Variants in RYR2 observed in about 807,000 individuals in gnomAD.
RYR2 encodes the protein cardiac muscle ryanodine receptor-calcium release channel.
RYR2 carries 227 observed loss-of-function variants against 601.1 expected under a neutral mutation model. That is an observed-to-expected ratio of 0.38 (90% CI 0.34 to 0.42). RYR2 has a LOEUF of 0.42. RYR2 is among the 10% of genes least tolerant of loss of function. The probability of loss-of-function intolerance (pLI) is 1.00; values close to 1 mark genes in which losing one functional copy is unlikely to be tolerated. For synonymous variants in RYR2, 2,223 were observed against 2,175.1 expected, an observed-to-expected ratio of 1.02 and a Z score of -0.61; for missense variants, 4,646 against 6,156.5, an observed-to-expected ratio of 0.75 and a Z score of 8.21.
At chr1:237,760,003 A>G (rs1001927030) in intron 83 of RYR2, among the ~76,000 whole-genome samples, 151 bp downstream of exon 83, 15 of 152,084 alleles carry the variant, frequency 9.9e-5, no homozygotes, top group Admixed American at 2.0e-4. Flanking sequence ...CTTGTTTTCT[A>G]TCTTGTTTTA....
intron 10 of RYR2, among the ~76,000 whole-genome samples, chr1:237,414,833 C>T (rs1704797482): frequency 6.6e-6 from 1 of 152,084 alleles, no homozygotes. Flanking sequence ...ATGGTTGAGC[C>T]TAGAGGACGT....
At chr1:237,412,941 T>C (rs1009204379) in intron 10 of RYR2, among the ~76,000 whole-genome samples, 2 of 152,286 alleles carry the variant, frequency 1.3e-5, no homozygotes, top group African/African-American at 4.8e-5. Context: ...ATTTGATACT[T>C]GAAATGCATT....
At chr1:237,607,465 A>G (rs1434835751) in intron 35 of RYR2, among the ~76,000 whole-genome samples, 2 of 152,168 alleles carry the variant, frequency 1.3e-5, no homozygotes, top group Non-Finnish European at 2.9e-5. Flanking sequence ...TAGGAGATAT[A>G]CCTAATGTAA....
At position 237,275,092 on chromosome 1, in the gene RYR2, GCA is replaced by G. The variant is rs111310759; in HGVS notation, c.168+4495_168+4496del. ...GGGTGATGCACACACACACATACAC[GCA>G]CACACACACACACACACATACACAC... On this transcript the variant is annotated intron_variant, in intron 2 of 104. Coordinates refer to ENST00000366574, the MANE Select transcript of RYR2 (RefSeq NM_001035.3). Among the ~76,000 whole-genome samples the G allele has an allele frequency of 2.9e-3, 416 of 144,110 alleles. 1 individual carries two copies. The highest frequency in any genetic ancestry group is 6.9e-3 in the African/African-American group (274 of 39,578). 94.5% of individuals were successfully genotyped at this position (144,110 alleles called of 152,430 possible).
At chr1:237,094,795 G>A (rs1314241467) in intron 1 of RYR2, among the ~76,000 whole-genome samples, 1 of 152,144 alleles carries the variant, frequency 6.6e-6, no homozygotes, top group South Asian at 2.1e-4. Flanking sequence ...GTTTCACCGT[G>A]TTAGACAGGA....
intron 3 of RYR2, among the ~76,000 whole-genome samples, chr1:237,341,102 G>T (rs543930201): frequency 6.6e-6 from 1 of 152,124 alleles, no homozygotes; most frequent in Non-Finnish European, 1.5e-5. Flanking sequence ...TCACAGTGGC[G>T]TAGTTAGGCA....
chr1:237,649,805 C>T (rs1682542410), intron 49 of RYR2, 72 bp from the exon 50 acceptor site: 6 of 1,260,450 alleles, frequency 4.8e-6, no homozygotes, highest in South Asian at 1.3e-5. Flanking sequence ...ATTGTATGTC[C>T]CCATGTTAAT....
intron 29 of RYR2, among the ~76,000 whole-genome samples, chr1:237,586,399 G>A (rs1380739812): frequency 2.0e-5 from 3 of 152,098 alleles, no homozygotes; most frequent in Admixed American, 6.6e-5. Flanking sequence ...TTCGTGCTAA[G>A]CATTATACAT....
chr1:237,761,100 C>A, intron 84 of RYR2, 72 bp downstream of exon 84: 1 of 844,176 alleles, frequency 1.2e-6, no homozygotes, highest in Non-Finnish European at 1.9e-6. Context: ...TATCAATTAC[C>A]TTTCAAGTAG....
At chr1:237,073,834 G>C (rs976103181) in intron 1 of RYR2, among the ~76,000 whole-genome samples, 1 of 129,718 alleles carries the variant, frequency 7.7e-6, no homozygotes. Flanking sequence ...TCATACCACT[G>C]TACTCCAGCC....
At position 237,129,683 on chromosome 1, in the gene RYR2, A is replaced by G. The variant is rs575421099; in HGVS notation, c.48+87114A>G. 3.3e-5 allele frequency among the ~76,000 whole-genome samples: 5 copies of G among 149,646 alleles called. No individual in the cohort carries two copies. In the South Asian group the frequency reaches 6.3e-4, roughly 19 times the overall value. On this transcript the variant is annotated intron_variant, in intron 1 of 104. Transcript: ENST00000366574. ...TATATATAGTATGATATATAGTATG[A>G]TATAGTATAACATATATAGTATAAT...
chr1:237,158,129 A>G (rs1014225275), intron 1 of RYR2, among the ~76,000 whole-genome samples: 2 of 152,216 alleles, frequency 1.3e-5, no homozygotes, highest in Admixed American at 1.3e-4. Context: ...GGATTACAAG[A>G]GTTAATGTGT....
At position 237,714,990 on chromosome 1, in the gene RYR2, TCAAAA is replaced by T. The variant is rs1689142335; in HGVS notation, c.10324-2207_10324-2203del. On this transcript the variant is annotated intron_variant, in intron 71 of 104. Coordinates refer to ENST00000366574, the MANE Select transcript of RYR2 (RefSeq NM_001035.3). The stretch of plus-strand genomic sequence containing the variant: ...CCTGGTGACAGAGCGAGACTCCATC[TCAAAA>T]AAAAAAAAAAAAAAAAAAAAAAAAA... 4.8e-4 allele frequency among the ~76,000 whole-genome samples: 43 copies of T among 89,380 alleles called. 1 individual carries two copies. Among genetic ancestry groups the T allele is most frequent in the Admixed American group, 7.5e-4 (6 of 8,012 alleles). 58.6% of individuals were successfully genotyped at this position (89,380 alleles called of 152,430 possible).
At chr1:237,552,412 G>T (rs1435658585) in intron 27 of RYR2, among the ~76,000 whole-genome samples, 1 of 152,062 alleles carries the variant, frequency 6.6e-6, no homozygotes, top group African/African-American at 2.4e-5. Context: ...ATAGAAATTT[G>T]TATACAATAA....
intron 33 of RYR2, among the ~76,000 whole-genome samples, chr1:237,594,885 GGTTTTTTTTTTTTTTTTTTTT>G (rs1164876511): frequency 0.017 from 1,307 of 78,862 alleles, 21 homozygotes; most frequent in Middle Eastern, 0.027. Context: ...AATATCACTG[GGTTTTTTTTTTTTTTTTTTTT>G]TTTTTTTTTT....
chr1:237,556,574 G>T (rs1324257110), intron 27 of RYR2, among the ~76,000 whole-genome samples: 8 of 151,136 alleles, frequency 5.3e-5, no homozygotes, highest in African/African-American at 1.9e-4. Flanking sequence ...CTCCCAAAGT[G>T]CTGGGATTAC....
At chr1:237,609,655 G>A (rs1677601259) in intron 35 of RYR2, among the ~76,000 whole-genome samples, 1 of 151,984 alleles carries the variant, frequency 6.6e-6, no homozygotes, top group African/African-American at 2.4e-5. Flanking sequence ...GTGAGCCATG[G>A]TGCCTAGCCC....
In RYR2 at chr1:237,784,180, C is replaced by A; in HGVS notation, c.12468C>A (p.Ser4156Arg). The A allele has an allele frequency of 1.2e-6, 2 of 1,613,986 alleles. No individual in the cohort carries two copies. Among genetic ancestry groups the A allele is most frequent in the Non-Finnish European group, 1.7e-6 (2 of 1,179,880 alleles). Residue 4156 changes from serine (S) to arginine (R), a missense_variant, in exon 90 of 105, where the codon AGC becomes AGA. Ser to Arg is a moderately radical substitution (Grantham distance 110). Transcript: ENST00000366574. This position sits in a 1 kb window ranked among gnomAD's most constrained non-coding sequence, Gnocchi z 7.1. ...TCTATTTTGAAATCAGTGAGTCCAG[C>A]CGAACCCAGTGGGAGAAGCCCCAGG... is the stretch of plus-strand genomic sequence containing the variant. ...ERVYFEISES[S>R]RTQWEKPQVK...
rs1410482596 is a variant in RYR2, at chr1:237,537,610, C to T, written c.2906+7100C>T. Among the ~76,000 whole-genome samples the T allele has an allele frequency of 2.0e-5, 3 of 152,000 alleles. No homozygotes were observed. The East Asian group carries it at 5.8e-4, about 29-fold the overall frequency. ...GATTACAGGTGTGAGCCACCGTGCC[C>T]GGCCTAAATATAGTTTTTATAGATT... On this transcript the variant is annotated intron_variant, in intron 25 of 104. Transcript: ENST00000366574.
Sources: allele counts gnomAD v4.1 joint callset (sites outside exome capture counted in the v4.1 genomes callset), GRCh38; gene constraint gnomAD v4.1.1; non-coding constraint Gnocchi (gnomAD v3.1); transcripts MANE v1.5; gene names NCBI Gene and HGNC (gene_info 2026-07-23, HGNC 2026-07-21).